MYBL2: variants seen among roughly 807,000 people sequenced by gnomAD.
The protein encoded by MYBL2 is MYB proto-oncogene like 2.
Under a neutral mutation model 79.9 loss-of-function variants are expected in MYBL2, and 28 were observed. The ratio of observed to expected loss-of-function variants is 0.35; its 90% CI spans 0.26 to 0.48. The LOEUF (loss-of-function observed/expected upper bound fraction) is 0.48. Ranked by LOEUF, MYBL2 falls within the 20% of genes least tolerant of loss-of-function variation. MYBL2 has a pLI of 0.99. For synonymous variants in MYBL2, 378 were observed against 361.2 expected, an observed-to-expected ratio of 1.05 and a Z score of -0.53; for missense variants, 735 against 893.9, an observed-to-expected ratio of 0.82 and a Z score of 2.27.
At chr20:43,697,947 GGTGTGCAAT>G (rs1403864941) in intron 6 of MYBL2, among the ~76,000 whole-genome samples, 1 of 149,922 alleles carries the variant, frequency 6.7e-6, no homozygotes, top group Non-Finnish European at 1.5e-5. Context: ...GTGTATTTAT[GGTGTGCAAT>G]GTGATGTTTT....
intron 4 of MYBL2, among the ~76,000 whole-genome samples, chr20:43,685,714 C>A (rs138641646): frequency 5.9e-4 from 89 of 152,104 alleles, no homozygotes; most frequent in African/African-American, 1.9e-3. Flanking sequence ...GAGATCGCCC[C>A]ACTGCACCCC....
chr20:43,684,734 G>A (rs544553295), intron 4 of MYBL2, among the ~76,000 whole-genome samples: 7 of 151,684 alleles, frequency 4.6e-5, no homozygotes, highest in Admixed American at 2.6e-4. Context: ...GTAGTTGGGA[G>A]GCTGAGTTGG....
chr20:43,669,574 A>G (rs1196913835), intron 1 of MYBL2, among the ~76,000 whole-genome samples: 1 of 152,212 alleles, frequency 6.6e-6, no homozygotes, highest in Non-Finnish European at 1.5e-5. Context: ...ATGTTGGACC[A>G]CAATGTGGTT....
chr20:43,698,948 T>C (rs2145726199), intron 6 of MYBL2, among the ~76,000 whole-genome samples: 1 of 150,216 alleles, frequency 6.7e-6, no homozygotes, highest in East Asian at 2.0e-4. Flanking sequence ...AGGGACCCAA[T>C]TGCCTCAGCC....
Position 43,693,777 on chromosome 20 carries a change from G to A in MYBL2, c.663+1458G>A, listed in dbSNP as rs562215921. On this transcript the variant is annotated intron_variant, in intron 6 of 13. Transcript: ENST00000217026. ...TTCAAAATAAAAATTTGGGTAGGGCGTGGTGGCTAACATCTGTAATCCCAG... is the reference window on the plus strand; with the variant it reads ...TTCAAAATAAAAATTTGGGTAGGGCATGGTGGCTAACATCTGTAATCCCAG... Among the ~76,000 whole-genome samples, 81 of 152,234 alleles carry A rather than the reference G, an allele frequency of 5.3e-4. No individual in the cohort carries two copies. In the South Asian group the frequency reaches 0.011, roughly 21 times the overall value.
intron 4 of MYBL2, among the ~76,000 whole-genome samples, chr20:43,686,114 A>C (rs1260720756): frequency 1.3e-5 from 2 of 152,220 alleles, no homozygotes; most frequent in African/African-American, 4.8e-5. Flanking sequence ...TGTGGTTGCT[A>C]TAAAAATTTA....
intron 2 of MYBL2, among the ~76,000 whole-genome samples, chr20:43,678,327 GAAAGAAAA>G (rs1568850342): frequency 2.8e-4 from 5 of 17,834 alleles, no homozygotes; most frequent in African/African-American, 4.7e-4. Context: ...AAGAAAGAAA[GAAAGAAAA>G]AAAAAAAAAA....
At chr20:43,678,857 C>CA (rs762645852) in intron 2 of MYBL2, among the ~76,000 whole-genome samples, 629 of 17,988 alleles carry the variant, frequency 0.035, 23 homozygotes, top group African/African-American at 0.095. Context: ...AACTCCGTCT[C>CA]AAAAAAAAAA....
chr20:43,710,415 C>A lies in MYBL2; in HGVS notation c.1605+353C>A, dbSNP rs146918897. Among the ~76,000 whole-genome samples, 1,179 of 152,290 alleles carry A rather than the reference C, an allele frequency of 7.7e-3. 20 individuals carry two copies. Among genetic ancestry groups the A allele is most frequent in the African/African-American group, 0.026 (1,098 of 41,568 alleles). ...CCTAGTTCAGAGAAGTGGCAAATTG[C>A]TACTCTGGCCTGTCTCTGACCAACT... On this transcript the variant is annotated intron_variant, in intron 10 of 13. Transcript: ENST00000217026.
In MYBL2 at chr20:43,716,230, C is replaced by A; in HGVS notation, c.*143C>A. ...CCCTCCCCAGACTCTCAGGTGGAGG[C>A]AACAGGGCCATGTGCTGCCCTGTTG... is the stretch of plus-strand genomic sequence containing the variant. On this transcript the variant is annotated 3_prime_UTR_variant, in exon 14 of 14. Coordinates refer to ENST00000217026, the MANE Select transcript of MYBL2 (RefSeq NM_002466.4). 76 of 1,253,472 alleles carry A rather than the reference C, an allele frequency of 6.1e-5. No individual in the cohort carries two copies. Among genetic ancestry groups the A allele is most frequent in the East Asian group, 1.3e-4 (5 of 37,542 alleles). 77.6% of individuals were successfully genotyped at this position (1,253,472 alleles called of 1,614,324 possible).
At chr20:43,671,425 G>A (rs1402486278) in intron 1 of MYBL2, among the ~76,000 whole-genome samples, 2 of 150,454 alleles carry the variant, frequency 1.3e-5, no homozygotes, top group Admixed American at 6.6e-5. Flanking sequence ...CAAAGTGCTG[G>A]GATTACAGGT....
intron 3 of MYBL2, among the ~76,000 whole-genome samples, chr20:43,682,299 C>T (rs887343798): frequency 6.6e-6 from 1 of 150,552 alleles, no homozygotes; most frequent in Non-Finnish European, 1.5e-5. Context: ...CCCCTCAGGA[C>T]CTCCTTCTCA....
intron 2 of MYBL2, among the ~76,000 whole-genome samples, chr20:43,676,246 C>T (rs1190103815): frequency 6.6e-6 from 1 of 151,690 alleles, no homozygotes; most frequent in Non-Finnish European, 1.5e-5. Context: ...GATCCTCATC[C>T]TCCTCCCACC....
intron 1 of MYBL2, among the ~76,000 whole-genome samples, chr20:43,670,264 T>C (rs907654714): frequency 6.6e-5 from 10 of 152,190 alleles, no homozygotes; most frequent in African/African-American, 2.4e-4. Context: ...ACGAGCTGTC[T>C]GGGGGCAGTT....
At chr20:43,669,230 G>A (rs1358270616) in intron 1 of MYBL2, among the ~76,000 whole-genome samples, 2 of 152,134 alleles carry the variant, frequency 1.3e-5, no homozygotes, top group Admixed American at 1.3e-4. Context: ...TCGAACTCCT[G>A]GCTTCCAGGG....
chr20:43,686,095 A>G (rs1465923793), intron 4 of MYBL2, among the ~76,000 whole-genome samples: 1 of 152,160 alleles, frequency 6.6e-6, no homozygotes, highest in East Asian at 1.9e-4. Context: ...AAAAAAAATC[A>G]AAGTGATATG....
At chr20:43,710,862 C>G (rs1987889460) in intron 10 of MYBL2, among the ~76,000 whole-genome samples, 2 of 152,194 alleles carry the variant, frequency 1.3e-5, no homozygotes, top group African/African-American at 4.8e-5. Context: ...TTTGGCTCCT[C>G]TGTACTAAAA....
chr20:43,683,357 A>G (rs1163915190), intron 4 of MYBL2, among the ~76,000 whole-genome samples: 2 of 152,016 alleles, frequency 1.3e-5, no homozygotes, highest in South Asian at 2.1e-4. Flanking sequence ...TGTTAGTCCC[A>G]TTTTATAGAT....
rs1987952503 is a variant in MYBL2, at chr20:43,713,239, G to A, written c.1824+133G>A. The A allele has an allele frequency of 1.6e-5, 10 of 628,860 alleles. 1 individual carries two copies. The East Asian group carries it at 1.7e-4, about 11-fold the overall frequency. The allele number at this position is 628,860 out of a possible 1,614,324, so 39.0% of individuals were successfully genotyped here. A position where few individuals can be genotyped will look rare whatever the true frequency, so the allele number is the denominator to read the frequency against. ...AGGGGCTATCAGGGAGGGTGGGTCCGGGCACCCACTCATGGCTTCAGTCAG... is the reference window on the plus strand; with the variant it reads ...AGGGGCTATCAGGGAGGGTGGGTCCAGGCACCCACTCATGGCTTCAGTCAG... On this transcript the variant is annotated intron_variant, in intron 12 of 13. Transcript: ENST00000217026.
Sources: allele counts gnomAD v4.1 joint callset (sites outside exome capture counted in the v4.1 genomes callset), GRCh38; gene constraint gnomAD v4.1.1; transcripts MANE v1.5; gene names NCBI Gene and HGNC (gene_info 2026-07-23, HGNC 2026-07-21).